Variants in SIRPG observed in about 807,000 individuals in gnomAD.
The protein encoded by SIRPG is signal-regulatory protein gamma.
In SIRPG, 38 loss-of-function variants were observed where a neutral mutation model predicts 35.7. That is an observed-to-expected ratio of 1.06 (90% CI 0.82 to 1.40). SIRPG has a LOEUF of 1.40. Among genes scored for constraint, SIRPG ranks in the 40% most tolerant of loss-of-function variants. SIRPG has a pLI of 0.00. For synonymous variants in SIRPG, 215 were observed against 190.4 expected (o/e 1.13, Z -1.06); for missense variants, 519 against 483.0 (o/e 1.07, Z -0.70).
At chr20:1,673,161 AC>A in the SIRPG span, among the ~76,000 whole-genome samples, 3 of 152,228 alleles carry the variant, frequency 2.0e-5, no homozygotes, top group Admixed American at 1.3e-4. Flanking sequence ...TTTTGAGGGC[AC>A]AGTAAAGAGG....
chr20:1,666,094 G>A, the SIRPG span, among the ~76,000 whole-genome samples: 1 of 150,796 alleles, frequency 6.6e-6, no homozygotes, highest in African/African-American at 2.4e-5. Context: ...TGCGTGGGAG[G>A]TCTTAGTTTT....
rs1290244218 is a variant in SIRPG, at chr20:1,635,582, C to A, written c.766G>T (p.Val256Phe). The change falls in exon 4 of 6, where the codon GTT becomes TTT. Residue 256 changes from valine to phenylalanine, a missense_variant. Physicochemically the swap from Val to Phe is conservative, Grantham distance 50. Transcript: ENST00000303415. ...EAIRVPPTLE[V>F]TQQPMRVGNQ... is the part of the protein sequence containing the mutation. Reference sequence around the variant, plus strand: ...CCCACCCTCATGGGCTGTTGAGTAACCTCCAAGGTGGGTGGAACTGAAACA... The same window carrying A: ...CCCACCCTCATGGGCTGTTGAGTAAACTCCAAGGTGGGTGGAACTGAAACA... 1 of 1,614,008 alleles carries A rather than the reference C, an allele frequency of 6.2e-7. No homozygotes were observed. Among genetic ancestry groups the A allele is most frequent in the African/African-American group, 1.3e-5 (1 of 74,920 alleles).
At chr20:1,631,789 A>T (rs1274475358) in intron 4 of SIRPG, among the ~76,000 whole-genome samples, 1 of 152,200 alleles carries the variant, frequency 6.6e-6, no homozygotes, top group Non-Finnish European at 1.5e-5. Flanking sequence ...CAGGCAGGAA[A>T]TTCCTTGGCA....
At chr20:1,629,873 G>T (rs2091734743) in intron 5 of SIRPG, among the ~76,000 whole-genome samples, 1 of 152,078 alleles carries the variant, frequency 6.6e-6, no homozygotes, top group African/African-American at 2.4e-5. Context: ...CTTCCCATTT[G>T]GGTTTCTCAA....
the SIRPG span, among the ~76,000 whole-genome samples, chr20:1,680,991 T>G: frequency 6.6e-6 from 1 of 152,218 alleles, no homozygotes; most frequent in African/African-American, 2.4e-5. Context: ...AACATTTCTA[T>G]GTCAGGTCCT....
At chr20:1,637,145 T>G (rs1277386323) in intron 2 of SIRPG, 1 of 174,008 alleles carries the variant, frequency 5.7e-6, no homozygotes, top group Non-Finnish European at 1.4e-5. Context: ...CCTAGAGCTC[T>G]CTCTCTTTGT....
chr20:1,661,527 C>T (rs766696057), upstream of SIRPG, among the ~76,000 whole-genome samples: 3 of 152,128 alleles, frequency 2.0e-5, no homozygotes, highest in Non-Finnish European at 4.4e-5. Flanking sequence ...ACCTGTGAGT[C>T]CTGGTAGCAG....
At chr20:1,648,718 G>C (rs888400631) in intron 2 of SIRPG, among the ~76,000 whole-genome samples, 2 of 152,180 alleles carry the variant, frequency 1.3e-5, no homozygotes, top group Non-Finnish European at 2.9e-5. Context: ...GAGGCAGAAG[G>C]TGAGTTCTGG....
At chr20:1,669,130 A>G in the SIRPG span, among the ~76,000 whole-genome samples, 271 of 152,304 alleles carry the variant, frequency 1.8e-3, 2 homozygotes, top group African/African-American at 6.2e-3. Context: ...AATGTCTAGC[A>G]GAAGGGAATA....
Position 1,649,357 on chromosome 20 carries a change from A to C in SIRPG, c.125T>G (p.Leu42Trp). ...LQMIQPEKLL[L>W]VTVGKTATLH... ...AGTGGCTGTCTTTCCAACTGTGACCAACAGGAGCTTCTCAGGCTGAATCAT... is the reference window on the plus strand; with the variant it reads ...AGTGGCTGTCTTTCCAACTGTGACCCACAGGAGCTTCTCAGGCTGAATCAT... Residue 42 changes from leucine (L) to tryptophan (W), a missense_variant, in exon 2 of 6, where the codon TTG becomes TGG. Transcript: ENST00000303415. 6.2e-7 allele frequency: 1 copy of C among 1,613,866 alleles called. No homozygotes were observed. The highest frequency in any genetic ancestry group is 8.5e-7 in the Non-Finnish European group (1 of 1,179,868).
At chr20:1,644,759 G>A (rs1337611932) in intron 2 of SIRPG, among the ~76,000 whole-genome samples, 2 of 152,210 alleles carry the variant, frequency 1.3e-5, no homozygotes, top group African/African-American at 2.4e-5. Flanking sequence ...TCACAGGCTA[G>A]GTAGCAGCTC....
At chr20:1,636,051 C>T in intron 3 of SIRPG, 137 bp downstream of exon 3, 3 of 1,260,168 alleles carry the variant, frequency 2.4e-6, no homozygotes, top group Non-Finnish European at 3.3e-6. Context: ...GACCAGCACA[C>T]CTAGGTGCAT....
chr20:1,639,439 A>C (rs2091832799), intron 2 of SIRPG, among the ~76,000 whole-genome samples: 1 of 152,102 alleles, frequency 6.6e-6, no homozygotes, highest in Non-Finnish European at 1.5e-5. Flanking sequence ...GTGTGTGTTC[A>C]TATACTTTGC....
chr20:1,661,594 C>T (rs776194073), upstream of SIRPG, among the ~76,000 whole-genome samples: 14 of 152,138 alleles, frequency 9.2e-5, no homozygotes, highest in Non-Finnish European at 1.9e-4. Flanking sequence ...CATTGCCTGC[C>T]CTGTCAGACT....
chr20:1,638,488 A>C (rs534407117), intron 2 of SIRPG: 1 of 152,312 alleles, frequency 6.6e-6, no homozygotes, highest in African/African-American at 2.4e-5. Context: ...AACTCAAATG[A>C]TAATAAAAGC....
intron 2 of SIRPG, among the ~76,000 whole-genome samples, chr20:1,643,877 G>A (rs1366748779): frequency 6.6e-6 from 1 of 152,112 alleles, no homozygotes; most frequent in Non-Finnish European, 1.5e-5. Flanking sequence ...TTTTCATCTG[G>A]TTGGCTCCCA....
At chr20:1,655,192 A>G (rs1388251994) in intron 1 of SIRPG, among the ~76,000 whole-genome samples, 1 of 152,222 alleles carries the variant, frequency 6.6e-6, no homozygotes, top group Non-Finnish European at 1.5e-5. Context: ...ATCCAAAGGA[A>G]ATGACATCAG....
At chr20:1,666,817 G>A in the SIRPG span, among the ~76,000 whole-genome samples, 1 of 151,866 alleles carries the variant, frequency 6.6e-6, no homozygotes, top group Non-Finnish European at 1.5e-5. Flanking sequence ...CCCAATACAT[G>A]TGTACCATTT....
At chr20:1,645,175 G>A (rs1210216085) in intron 2 of SIRPG, among the ~76,000 whole-genome samples, 3 of 152,132 alleles carry the variant, frequency 2.0e-5, no homozygotes, top group Non-Finnish European at 4.4e-5. Context: ...GGCCCGTACT[G>A]TGGGAGGGGT....
Sources: allele counts gnomAD v4.1 joint callset (sites outside exome capture counted in the v4.1 genomes callset), GRCh38; gene constraint gnomAD v4.1.1; transcripts MANE v1.5; gene names NCBI Gene and HGNC (gene_info 2026-07-23, HGNC 2026-07-21).